TRAF3: variants seen among roughly 807,000 people sequenced by gnomAD.
TRAF3 encodes TNF receptor associated factor 3, also known as TNF receptor-associated factor 3.
TRAF3 carries 13 observed loss-of-function variants against 62.3 expected under a neutral mutation model. The observed-to-expected ratio is 0.21, with a 90% CI of 0.14 to 0.33. The LOEUF (loss-of-function observed/expected upper bound fraction) is 0.33. Ranked by LOEUF, TRAF3 falls within the 10% of genes least tolerant of loss-of-function variation. The pLI is 1.00. For missense variants in TRAF3, 440 were observed against 741.8 expected, an observed-to-expected ratio of 0.59 and a Z score of 4.73; for synonymous variants, 269 against 283.4, an observed-to-expected ratio of 0.95 and a Z score of 0.51.
rs117305019 is a variant in TRAF3 at position 102,822,515 on chromosome 14, C to T, written c.-156-7819C>T. On this transcript the variant is annotated intron_variant, in intron 1 of 11. Transcript: ENST00000392745. ...AGATCTACCAAACTGAAAATGTGTG[C>T]GTATCTAAAGTAGTTTCTTTTCTTG... Among the ~76,000 whole-genome samples, 151 of 152,244 alleles carry T rather than the reference C, an allele frequency of 9.9e-4. 3 individuals are homozygous for T. In the East Asian group the frequency reaches 0.026, roughly 26 times the overall value.
chr14:102,869,065 G>A (rs1888172786), intron 2 of TRAF3, among the ~76,000 whole-genome samples: 1 of 152,158 alleles, frequency 6.6e-6, no homozygotes. Context: ...GGGCACATTG[G>A]CACCTACCTG....
rs117475076 is a variant in TRAF3, at chr14:102,907,830, C to T, written c.*2046C>T. 4,088 of 152,532 alleles carry T rather than the reference C, an allele frequency of 0.027. 63 individuals carry two copies. The highest frequency in any genetic ancestry group is 0.032 in the Non-Finnish European group (2,174 of 68,140). The allele number at this position is 152,532 out of a possible 1,614,324, so 9.4% of individuals were successfully genotyped here. On this transcript the variant is annotated 3_prime_UTR_variant, in exon 12 of 12. Coordinates refer to ENST00000392745, the MANE Select transcript of TRAF3 (RefSeq NM_145725.3). The stretch of plus-strand genomic sequence containing the variant: ...TGTTCTTATCTGCCTTTCCTTTCCC[C>T]GCTCTCCTGGGATTACTTTGGGGGA...
At chr14:102,814,742 C>T (rs865805103) in intron 1 of TRAF3, among the ~76,000 whole-genome samples, 7 of 151,990 alleles carry the variant, frequency 4.6e-5, no homozygotes, top group Non-Finnish European at 1.0e-4. Context: ...AGGCTGGTCT[C>T]GAGCTCCTGA....
rs1566807952 is a variant in TRAF3 at position 102,900,179 on chromosome 14, G to GAAAAAAAAAA, written c.960+2778_960+2779insAAAAAAAAAA. Among the ~76,000 whole-genome samples, 3 of 83,746 alleles carry GAAAAAAAAAA rather than the reference G, an allele frequency of 3.6e-5. 1 individual carries two copies. The highest frequency in any genetic ancestry group is 1.0e-4 in the African/African-American group (2 of 19,248). The allele number at this position is 83,746 out of a possible 152,430, so 54.9% of individuals were successfully genotyped here. ...GGGAGAAAGAGCAAGACTCCGTCTC[G>GAAAAAAAAAA]GAAAAAAAAAAAAAAAAAAAAAAAG... On this transcript the variant is annotated intron_variant, in intron 10 of 11. Transcript: ENST00000392745.
intron 9 of TRAF3, among the ~76,000 whole-genome samples, chr14:102,896,904 AATT>A (rs2139972678): frequency 6.6e-6 from 1 of 152,236 alleles, no homozygotes; most frequent in East Asian, 1.9e-4. Context: ...TCTCTAAAAA[AATT>A]ATTTTTTTAA....
intron 2 of TRAF3, among the ~76,000 whole-genome samples, chr14:102,867,517 G>A (rs1030069931): frequency 1.3e-5 from 2 of 152,110 alleles, no homozygotes; most frequent in African/African-American, 4.8e-5. Flanking sequence ...GACTGGGAGG[G>A]TGGCCTCCTG....
chr14:102,903,145 C>T lies in TRAF3; in HGVS notation c.961-110C>T. 6.7e-7 allele frequency: 1 copy of T among 1,492,612 alleles called. No homozygotes were observed. Among genetic ancestry groups the T allele is most frequent in the South Asian group, 1.1e-5 (1 of 87,516 alleles). The allele number at this position is 1,492,612 out of a possible 1,614,324, so 92.5% of individuals were successfully genotyped here. A position where few individuals can be genotyped will look rare whatever the true frequency, so the allele number is the denominator to read the frequency against. On this transcript the variant is annotated intron_variant, in intron 10 of 11. Transcript: ENST00000392745. This position sits in a 1 kb window ranked among gnomAD's most constrained non-coding sequence, Gnocchi z 6.4. ...AGAGCCGCGGGTGGCAGGCCTCATACAGGGGCCTCTGACTGTTCTGCTCCT... is the reference window on the plus strand; with the variant it reads ...AGAGCCGCGGGTGGCAGGCCTCATATAGGGGCCTCTGACTGTTCTGCTCCT...
intron 1 of TRAF3, among the ~76,000 whole-genome samples, chr14:102,811,234 A>G (rs1007921285): frequency 1.3e-5 from 2 of 151,028 alleles, no homozygotes; most frequent in Non-Finnish European, 2.9e-5. Flanking sequence ...TGCTGCTTTG[A>G]TTCTTCTCAT....
At chr14:102,802,811 G>T (rs1225979286) in intron 1 of TRAF3, among the ~76,000 whole-genome samples, 1 of 152,012 alleles carries the variant, frequency 6.6e-6, no homozygotes, top group Non-Finnish European at 1.5e-5. Flanking sequence ...CTGGGCAACC[G>T]AGCAAGACTC....
At chr14:102,820,825 G>A (rs1899937651) in intron 1 of TRAF3, among the ~76,000 whole-genome samples, 2 of 150,024 alleles carry the variant, frequency 1.3e-5, no homozygotes, top group Admixed American at 6.7e-5. Flanking sequence ...ATAGAGACAG[G>A]GTCTCACTAT....
intron 2 of TRAF3, among the ~76,000 whole-genome samples, chr14:102,867,214 C>T (rs1336777580): frequency 2.0e-5 from 3 of 152,308 alleles, no homozygotes; most frequent in African/African-American, 7.2e-5. Context: ...GAGTCCAGAG[C>T]AAGGACTGGT....
intron 6 of TRAF3, among the ~76,000 whole-genome samples, chr14:102,883,660 A>G (rs1173303380): frequency 6.6e-6 from 1 of 151,908 alleles, no homozygotes; most frequent in Non-Finnish European, 1.5e-5. Flanking sequence ...ATCTTGGCTC[A>G]CTGTAACCTT....
chr14:102,893,766 G>A (rs1889854613), intron 9 of TRAF3, among the ~76,000 whole-genome samples: 1 of 152,194 alleles, frequency 6.6e-6, no homozygotes, highest in African/African-American at 2.4e-5. Context: ...CCAAAGGACT[G>A]ATCTCTCCCG....
chr14:102,778,463 G>A (rs986538318), intron 1 of TRAF3, among the ~76,000 whole-genome samples: 1 of 152,236 alleles, frequency 6.6e-6, no homozygotes, highest in African/African-American at 2.4e-5. Flanking sequence ...GAGGTGTTAT[G>A]GACGTGCTTG....
chr14:102,862,881 T>A (rs1479495091), intron 2 of TRAF3, among the ~76,000 whole-genome samples: 2 of 152,192 alleles, frequency 1.3e-5, no homozygotes, highest in African/African-American at 4.8e-5. Flanking sequence ...TTATTTCTGC[T>A]GTTGAGCCCC....
At chr14:102,818,240 A>G (rs1346188447) in intron 1 of TRAF3, among the ~76,000 whole-genome samples, 2 of 152,116 alleles carry the variant, frequency 1.3e-5, no homozygotes, top group Non-Finnish European at 2.9e-5. Flanking sequence ...ACCTTTTACA[A>G]TATTTAACAA....
At chr14:102,820,136 C>T (rs112623686) in intron 1 of TRAF3, among the ~76,000 whole-genome samples, 26 of 152,182 alleles carry the variant, frequency 1.7e-4, no homozygotes, top group African/African-American at 4.6e-4. Flanking sequence ...CCTTTGCGAG[C>T]GTCCTCTACA....
rs550877924 is a variant in TRAF3, at chr14:102,786,321, A to G, written c.-157+8646A>G. ...TGAATGTATTTAATACCACTGGACTATACACTTAAAATGATTACAATGATA... is the reference window on the plus strand; with the variant it reads ...TGAATGTATTTAATACCACTGGACTGTACACTTAAAATGATTACAATGATA... On this transcript the variant is annotated intron_variant, in intron 1 of 11. Transcript: ENST00000392745. Among the ~76,000 whole-genome samples the G allele has an allele frequency of 4.6e-5, 7 of 152,340 alleles. No individual in the cohort carries two copies. The East Asian group carries it at 7.7e-4, about 17-fold the overall frequency.
intron 2 of TRAF3, among the ~76,000 whole-genome samples, chr14:102,837,865 T>C (rs1243117762): frequency 6.6e-6 from 1 of 152,176 alleles, no homozygotes; most frequent in Non-Finnish European, 1.5e-5. Flanking sequence ...TTTGGGCAAG[T>C]TGTTTGATGT....
Sources: allele counts gnomAD v4.1 joint callset (sites outside exome capture counted in the v4.1 genomes callset), GRCh38; gene constraint gnomAD v4.1.1; non-coding constraint Gnocchi (gnomAD v3.1); transcripts MANE v1.5; gene names NCBI Gene and HGNC (gene_info 2026-07-23, HGNC 2026-07-21).